ASAP1: variants seen among roughly 807,000 people sequenced by gnomAD.
ASAP1 encodes ArfGAP with SH3 domain, ankyrin repeat and PH domain 1.
A neutral mutation model predicts 145.2 loss-of-function variants in ASAP1; 43 were observed. That is an observed-to-expected ratio of 0.30 (90% CI 0.23 to 0.38). The LOEUF (loss-of-function observed/expected upper bound fraction) is 0.38. ASAP1 is among the 10% of genes least tolerant of loss of function. The pLI is 1.00. For synonymous variants in ASAP1, 546 were observed against 515.5 expected, an observed-to-expected ratio of 1.06 and a Z score of -0.80; for missense variants, 1,018 against 1,355.3, an observed-to-expected ratio of 0.75 and a Z score of 3.91.
intron 8 of ASAP1, among the ~76,000 whole-genome samples, chr8:130,179,884 CTG>C (rs1814226516): frequency 6.6e-6 from 1 of 151,974 alleles, no homozygotes; most frequent in Non-Finnish European, 1.5e-5. Context: ...TCTATTGACA[CTG>C]TTTGCTCACT....
chr8:130,324,935 C>G (rs1824233098), intron 3 of ASAP1, among the ~76,000 whole-genome samples: 1 of 152,138 alleles, frequency 6.6e-6, no homozygotes, highest in Admixed American at 6.5e-5. Context: ...TAACCCCGAG[C>G]TCTGCAAAAG....
chr8:130,103,537 CTT>C (rs1468909314), intron 24 of ASAP1, among the ~76,000 whole-genome samples: 4 of 152,088 alleles, frequency 2.6e-5, no homozygotes, highest in African/African-American at 7.2e-5. Context: ...GAGTTTCGCT[CTT>C]GTCACCCAGG....
intron 3 of ASAP1, among the ~76,000 whole-genome samples, chr8:130,328,523 C>T (rs990206332): frequency 2.0e-5 from 3 of 152,110 alleles, no homozygotes; most frequent in Non-Finnish European, 4.4e-5. Context: ...CCACACAATA[C>T]TGCACCATAT....
chr8:130,359,450 G>GA (rs796369790), intron 2 of ASAP1, among the ~76,000 whole-genome samples: 85 of 149,286 alleles, frequency 5.7e-4, no homozygotes, highest in African/African-American at 1.9e-3. Flanking sequence ...AGAAGAAGAA[G>GA]AAAAAAAAAG....
intron 27 of ASAP1, among the ~76,000 whole-genome samples, chr8:130,071,128 T>C (rs2097445650): frequency 6.6e-6 from 1 of 151,646 alleles, no homozygotes; most frequent in Admixed American, 6.6e-5. Flanking sequence ...GGACAGGAGT[T>C]GCTGGGACAG....
intron 12 of ASAP1, among the ~76,000 whole-genome samples, chr8:130,153,875 T>C (rs1301834707): frequency 6.6e-6 from 1 of 152,152 alleles, no homozygotes; most frequent in Non-Finnish European, 1.5e-5. Context: ...TTGATTACTT[T>C]TGTTATTAAT....
At chr8:130,374,485 G>A (rs141325303) in intron 2 of ASAP1, among the ~76,000 whole-genome samples, 6 of 152,302 alleles carry the variant, frequency 3.9e-5, no homozygotes, top group Admixed American at 6.5e-5. Context: ...GGCCGGGCGC[G>A]GTGGCGCACG....
At chr8:130,111,196 G>A (rs2097546171) in intron 24 of ASAP1, among the ~76,000 whole-genome samples, 1 of 106,360 alleles carries the variant, frequency 9.4e-6, no homozygotes, top group African/African-American at 3.6e-5. Context: ...AACATAGCAA[G>A]ACCTCATCTC....
At chr8:130,292,173 A>C (rs1247574699) in intron 3 of ASAP1, among the ~76,000 whole-genome samples, 1 of 152,238 alleles carries the variant, frequency 6.6e-6, no homozygotes, top group Admixed American at 6.5e-5. Context: ...AAGAAAGGCA[A>C]AAAACAAAGT....
chr8:130,299,093 G>A (rs1287916865), intron 3 of ASAP1, among the ~76,000 whole-genome samples: 2 of 152,112 alleles, frequency 1.3e-5, no homozygotes, highest in Non-Finnish European at 1.5e-5. Context: ...TAAATGGGGA[G>A]GTGAAAAAAG....
Position 130,116,693 on chromosome 8 carries a change from G to A in ASAP1, c.2049C>T (p.Thr683=). The A allele has an allele frequency of 1.2e-6, 2 of 1,613,942 alleles. No individual in the cohort carries two copies. Among genetic ancestry groups the A allele is most frequent in the Non-Finnish European group, 1.7e-6 (2 of 1,179,936 alleles). ...ALDIAKRLKA[T]QCEDLLSQAK... ...TTTTGCTTACCAGATCTTCACACTGGGTAGCTTTTAGTCTCTTTGCTATGT... is the reference window on the plus strand; with the variant it reads ...TTTTGCTTACCAGATCTTCACACTGAGTAGCTTTTAGTCTCTTTGCTATGT... Residue 683 remains threonine (T), a synonymous_variant, in exon 22 of 30, where the codon ACC becomes ACT. Coordinates refer to ENST00000518721, the MANE Select transcript of ASAP1 (RefSeq NM_018482.4).
intron 3 of ASAP1, among the ~76,000 whole-genome samples, chr8:130,340,047 G>A (rs749700656): frequency 2.0e-5 from 3 of 152,188 alleles, no homozygotes; most frequent in Non-Finnish European, 4.4e-5. Context: ...CTGGGTCGCA[G>A]GCTTTGGAGA....
intron 3 of ASAP1, among the ~76,000 whole-genome samples, chr8:130,287,545 AAC>A (rs1458166579): frequency 1.3e-5 from 2 of 152,154 alleles, no homozygotes; most frequent in Non-Finnish European, 2.9e-5. Flanking sequence ...GACCATGGGA[AAC>A]ACAGTTCAAT....
rs959764210 is a variant in ASAP1, at chr8:130,131,574, G to A, written c.1217+2722C>T. On this transcript the variant is annotated intron_variant, in intron 15 of 29. Transcript: ENST00000518721. Reference sequence around the variant, plus strand: ...AGCTCAGGAGTTTGAGGCCAGCCTGGGTAACAACAGCAAGACCTCATGGCT... The same window carrying A: ...AGCTCAGGAGTTTGAGGCCAGCCTGAGTAACAACAGCAAGACCTCATGGCT... Among the ~76,000 whole-genome samples, 3 of 139,340 alleles carry A rather than the reference G, an allele frequency of 2.2e-5. No individual in the cohort carries two copies. In the Admixed American group the frequency reaches 2.2e-4, roughly 10 times the overall value. The allele number at this position is 139,340 out of a possible 152,430, so 91.4% of individuals were successfully genotyped here.
intron 5 of ASAP1, among the ~76,000 whole-genome samples, chr8:130,194,401 C>T (rs547288419): frequency 7.5e-4 from 114 of 151,944 alleles, no homozygotes; most frequent in African/African-American, 2.7e-3. Flanking sequence ...AAAATCCTTT[C>T]TTGGAGATCT....
rs141041843 is a variant in ASAP1 at position 130,160,210 on chromosome 8, C to G, written c.910-246G>C. 7.2e-3 allele frequency: 3,549 copies of G among 494,382 alleles called. 21 individuals are homozygous for G. The highest frequency in any genetic ancestry group is 0.01 in the Non-Finnish European group (2,779 of 271,868). 30.6% of individuals were successfully genotyped at this position (494,382 alleles called of 1,614,324 possible). On this transcript the variant is annotated intron_variant, in intron 11 of 29. Transcript: ENST00000518721. Reference sequence around the variant, plus strand: ...CTGATTTCTAGTTCAAAACCCACCTCTACTCTGAACTGAATTCAAACAAGC... The same window carrying G: ...CTGATTTCTAGTTCAAAACCCACCTGTACTCTGAACTGAATTCAAACAAGC...
intron 27 of ASAP1, among the ~76,000 whole-genome samples, chr8:130,075,819 C>A (rs1283846925): frequency 1.3e-5 from 2 of 152,212 alleles, no homozygotes; most frequent in African/African-American, 4.8e-5. Flanking sequence ...TTGTACTTTG[C>A]AGAGCATGGG....
chr8:130,359,762 T>C (rs890329837), intron 2 of ASAP1, among the ~76,000 whole-genome samples: 5 of 152,148 alleles, frequency 3.3e-5, no homozygotes, highest in African/African-American at 1.2e-4. Context: ...TAGCTGGGAC[T>C]ACAGGCGCCC....
chr8:130,073,404 A>C (rs186784676), intron 27 of ASAP1, among the ~76,000 whole-genome samples: 2 of 152,036 alleles, frequency 1.3e-5, no homozygotes, highest in South Asian at 4.2e-4. Context: ...AAAAAAAAAA[A>C]ACAAATACAA....
Sources: allele counts gnomAD v4.1 joint callset (sites outside exome capture counted in the v4.1 genomes callset), GRCh38; gene constraint gnomAD v4.1.1; transcripts MANE v1.5; gene names NCBI Gene and HGNC (gene_info 2026-07-23, HGNC 2026-07-21).